The following CREB3L1 variants were observed in gnomAD, a reference collection of about 807,000 sequenced individuals.
The protein encoded by CREB3L1 is cyclic AMP-responsive element-binding protein 3-like protein 1.
CREB3L1 carries 33 observed loss-of-function variants against 54.5 expected under a neutral mutation model. That is an observed-to-expected ratio of 0.61 (90% confidence interval 0.46 to 0.81). The LOEUF is 0.81. Among genes scored for constraint, CREB3L1 ranks in the 30% least tolerant of loss-of-function variants. CREB3L1 has a pLI of 0.00. For synonymous variants in CREB3L1, 284 were observed against 286.4 expected (o/e 0.99, Z 0.08); for missense variants, 656 against 673.3 (o/e 0.97, Z 0.29).
rs1295748465 is a variant in CREB3L1, at chr11:46,312,407, C to T, written c.836C>T (p.Thr279Ile). The T allele has an allele frequency of 6.2e-7, 1 of 1,613,802 alleles. No individual in the cohort carries two copies. The highest frequency in any genetic ancestry group is 8.5e-7 in the Non-Finnish European group (1 of 1,179,812). The stretch of plus-strand genomic sequence containing the variant: ...ATTGCTGAGGGCTACCCCATCCCCA[C>T]AAAACTCCCCCTCACCAAAGCCGAG... ...TLIAEGYPIP[T>I]KLPLTKAEEK... Residue 279 changes from threonine to isoleucine, a missense_variant, in exon 6 of 12, where the codon ACA becomes ATA. Around this residue, in one of 3 missense-constraint regions of CREB3L1, gnomAD observed 77 missense variants for 122.0 expected, o/e 0.63. Transcript: ENST00000621158.
rs76399583 is a variant in CREB3L1, at chr11:46,311,883, G to A, written c.754-442G>A. 1.6e-3 allele frequency among the ~76,000 whole-genome samples: 250 copies of A among 152,294 alleles called. 6 individuals carry two copies. In the East Asian group the frequency reaches 0.043, roughly 26 times the overall value. On this transcript the variant is annotated intron_variant, in intron 5 of 11. Transcript: ENST00000621158. ...AGAACTTGACATTCCTGACCTCCAG[G>A]GGATGACCCAGGCTGCCTCCAAGGA...
In CREB3L1 at chr11:46,300,018, T is replaced by C. The variant is rs747749009; in HGVS notation, c.186T>C (p.Pro62=). The C allele has an allele frequency of 2.5e-6, 4 of 1,613,976 alleles. No individual in the cohort carries two copies. In the South Asian group the frequency reaches 3.3e-5, roughly 13 times the overall value. Residue 62 remains proline, a synonymous_variant, in exon 2 of 12, where the codon CCT becomes CCC. Transcript: ENST00000621158. Reference sequence around the variant, plus strand: ...TGTTCAGCAGCTTCTTTGATGACCCTGTGCTGGATGAGAAGAGCCCTCTAT... The same window carrying C: ...TGTTCAGCAGCTTCTTTGATGACCCCGTGCTGGATGAGAAGAGCCCTCTAT... ...NDLFSSFFDD[P]VLDEKSPLLD...
At chr11:46,299,056 A>G (rs574950946) in intron 1 of CREB3L1, among the ~76,000 whole-genome samples, 78 of 152,288 alleles carry the variant, frequency 5.1e-4, no homozygotes, top group African/African-American at 1.8e-3. Flanking sequence ...CCAAGTACAC[A>G]CATGTGCGTT....
At chr11:46,294,940 C>T (rs1488409807) in intron 1 of CREB3L1, among the ~76,000 whole-genome samples, 1 of 152,134 alleles carries the variant, frequency 6.6e-6, no homozygotes, top group Non-Finnish European at 1.5e-5. Flanking sequence ...CTAGCTCTCA[C>T]TCTCTCGGAA....
At chr11:46,290,954 G>T (rs1358572647) in intron 1 of CREB3L1, among the ~76,000 whole-genome samples, 1 of 152,130 alleles carries the variant, frequency 6.6e-6, no homozygotes, top group East Asian at 1.9e-4. Flanking sequence ...AGTCCCACTG[G>T]CCTGGGGGCC....
rs1168165722 is a variant in CREB3L1 at position 46,295,807 on chromosome 11, G to T, written c.103-4128G>T. On this transcript the variant is annotated intron_variant, in intron 1 of 11. Transcript: ENST00000621158. The surrounding 1 kb of genome is among the most constrained non-coding windows in gnomAD (Gnocchi z 4.6). ...GATCCTTCTCTAAAATTTAAAGGGCGGGCGGCTGAGGCCAGGCTCCAAGAG... is the reference window on the plus strand; with the variant it reads ...GATCCTTCTCTAAAATTTAAAGGGCTGGCGGCTGAGGCCAGGCTCCAAGAG... 6.6e-6 allele frequency among the ~76,000 whole-genome samples: 1 copy of T among 152,322 alleles called. No individual in the cohort carries two copies. The highest frequency in any genetic ancestry group is 1.5e-5 in the Non-Finnish European group (1 of 68,028).
chr11:46,285,597 C>T (rs1484752194), intron 1 of CREB3L1, among the ~76,000 whole-genome samples: 2 of 152,142 alleles, frequency 1.3e-5, no homozygotes, highest in Non-Finnish European at 2.9e-5. Flanking sequence ...GTCTACAAGG[C>T]CAGTTTGATA....
At chr11:46,305,690 A>ATGTG (rs764468204) in intron 2 of CREB3L1, among the ~76,000 whole-genome samples, 4,188 of 111,424 alleles carry the variant, frequency 0.038, 123 homozygotes, top group South Asian at 0.064. Context: ...GTGTGTATAT[A>ATGTG]TGTGTGTGTG....
intron 5 of CREB3L1, 52 bp from the exon 6 acceptor site, chr11:46,312,273 A>G (rs1164974278): frequency 6.7e-6 from 10 of 1,502,418 alleles, no homozygotes; most frequent in Non-Finnish European, 9.0e-6. Context: ...CAGAGCTTGA[A>G]TTTGAACCCA....
chr11:46,312,620 C>T lies in CREB3L1; in HGVS notation c.912C>T (p.Ala304=), dbSNP rs545990241. The change falls in exon 7 of 12, where the codon GCC becomes GCT. Residue 304 remains alanine (A), a synonymous_variant. Coordinates refer to ENST00000621158, the MANE Select transcript of CREB3L1 (RefSeq NM_052854.4). ...VRRKIKNKIS[A]QESRRKKKEY... ...CGGGCCTCCCCCTCTAGATCTCAGC[C>T]CAGGAGAGCCGTCGTAAGAAGAAGG... The T allele has an allele frequency of 7.4e-6, 12 of 1,611,770 alleles. No individual in the cohort carries two copies. The highest frequency in any genetic ancestry group is 1.7e-4 in the Middle Eastern group (1 of 6,060).
Position 46,307,845 on chromosome 11 carries a change from C to A in CREB3L1, c.361C>A (p.His121Asn). 1 of 1,582,254 alleles carries A rather than the reference C, an allele frequency of 6.3e-7. No homozygotes were observed. ...AGAGCATGGAGCATGGGCGCTGGGA[C>A]ACAAACTGTGCTCCATCATGGTGAA... ...DAEHGAWALG[H>N]KLCSIMVKQE... The change falls in exon 3 of 12, where the codon CAC (histidine) becomes AAC (asparagine). Residue 121 changes from histidine (H) to asparagine (N), a missense_variant. His to Asn is a moderately conservative substitution (Grantham distance 68, BLOSUM62 1). Around this residue, in one of 3 missense-constraint regions of CREB3L1, gnomAD observed 339 missense variants for 331.5 expected, o/e 1.02. Transcript: ENST00000621158.
At position 46,321,142 on chromosome 11, in the gene CREB3L1, A is replaced by G. The variant is rs1939647373; in HGVS notation, c.*396A>G. 2 of 415,216 alleles carry G rather than the reference A, an allele frequency of 4.8e-6. No individual in the cohort carries two copies. Among genetic ancestry groups the G allele is most frequent in the African/African-American group, 2.0e-5 (1 of 51,230 alleles). The allele number at this position is 415,216 out of a possible 1,614,324, so 25.7% of individuals were successfully genotyped here. ...CCAAGAACAGAAATTGTTTGTAAAT[A>G]ATGAACCTTATTTTTTATTATTGCC... On this transcript the variant is annotated 3_prime_UTR_variant, in exon 12 of 12. Coordinates refer to ENST00000621158, the MANE Select transcript of CREB3L1 (RefSeq NM_052854.4).
intron 10 of CREB3L1, among the ~76,000 whole-genome samples, chr11:46,318,929 G>T (rs1009479348): frequency 3.9e-5 from 6 of 152,230 alleles, no homozygotes; most frequent in African/African-American, 1.4e-4. Flanking sequence ...GAGAGTGAAA[G>T]CTCCTCCCCG....
At chr11:46,302,218 A>G (rs1187111570) in intron 2 of CREB3L1, among the ~76,000 whole-genome samples, 1 of 147,880 alleles carries the variant, frequency 6.8e-6, no homozygotes, top group East Asian at 2.0e-4. Context: ...AATAATAATA[A>G]GCTGTAGACA....
intron 2 of CREB3L1, among the ~76,000 whole-genome samples, chr11:46,304,442 G>A (rs1939348595): frequency 6.6e-6 from 1 of 152,128 alleles, no homozygotes; most frequent in Non-Finnish European, 1.5e-5. Context: ...TTGCACTCTA[G>A]CCTGGGCAAC....
intron 2 of CREB3L1, 48 bp from the exon 3 acceptor site, chr11:46,307,768 G>A: frequency 6.9e-7 from 1 of 1,448,172 alleles, no homozygotes; most frequent in Non-Finnish European, 9.2e-7. Flanking sequence ...CAGGCAGGGG[G>A]CTGAGACCTC....
chr11:46,296,848 G>A (rs1029219534), intron 1 of CREB3L1, among the ~76,000 whole-genome samples: 10 of 152,162 alleles, frequency 6.6e-5, no homozygotes, highest in Non-Finnish European at 1.0e-4. Context: ...AGGTGGGGTG[G>A]GGACTGCTCA....
In CREB3L1 at chr11:46,289,662, G is replaced by A. The variant is rs901490916; in HGVS notation, c.103-10273G>A. On this transcript the variant is annotated intron_variant, in intron 1 of 11. Coordinates refer to ENST00000621158, the MANE Select transcript of CREB3L1 (RefSeq NM_052854.4). ...CAAAACACTGCAGGCACCAGGAGAGGTATAAGCAAAGGTCCTACAGCCATG... is the reference window on the plus strand; with the variant it reads ...CAAAACACTGCAGGCACCAGGAGAGATATAAGCAAAGGTCCTACAGCCATG... Among the ~76,000 whole-genome samples the A allele has an allele frequency of 5.9e-5, 9 of 152,170 alleles. No homozygotes were observed. The East Asian group carries it at 1.2e-3, about 20-fold the overall frequency.
In CREB3L1 at chr11:46,311,066, C is replaced by A. The variant is rs1438854235; in HGVS notation, c.630C>A (p.Ser210Arg). The A allele has an allele frequency of 1.9e-6, 3 of 1,609,098 alleles. No individual in the cohort carries two copies. Among genetic ancestry groups the A allele is most frequent in the South Asian group, 2.2e-5 (2 of 90,610 alleles). ...TGCAGATGCCTCCGACGCCCCCCAG[C>A]AGCCATGGCAGTGACAGCGACGGCT... Reference protein sequence around the residue: ...DLVQMPPTPPSSHGSDSDGSQ... With the variant: ...DLVQMPPTPPRSHGSDSDGSQ... The change falls in exon 5 of 12, where the codon AGC becomes AGA. Residue 210 changes from serine (S) to arginine (R), a missense_variant. By Grantham distance (110) the Ser-to-Arg change is moderately radical. Coordinates refer to ENST00000621158, the MANE Select transcript of CREB3L1 (RefSeq NM_052854.4).
Sources: allele counts gnomAD v4.1 joint callset (sites outside exome capture counted in the v4.1 genomes callset), GRCh38; gene constraint gnomAD v4.1.1; regional missense constraint gnomAD v4.1.1; non-coding constraint Gnocchi (gnomAD v3.1); transcripts MANE v1.5; gene names NCBI Gene and HGNC (gene_info 2026-07-23, HGNC 2026-07-21).